LGI2: variants seen among roughly 807,000 people sequenced by gnomAD.
LGI2 encodes the protein leucine rich repeat LGI family member 2.
LGI2 carries 30 observed loss-of-function variants against 52.0 expected under a neutral mutation model. That is an observed-to-expected ratio of 0.58 (90% CI 0.43 to 0.78). LGI2 has a LOEUF of 0.78. LGI2 is among the 30% of genes least tolerant of loss of function. LGI2 has a pLI of 0.00. For missense variants in LGI2, 573 were observed against 692.5 expected (o/e 0.83, Z 1.94); for synonymous variants, 270 against 271.8 (o/e 0.99, Z 0.06).
At position 25,004,740 on chromosome 4, in the gene LGI2, G is replaced by A. The variant is rs998961551; in HGVS notation, c.821-472C>T. Among the ~76,000 whole-genome samples the A allele has an allele frequency of 6.6e-6, 1 of 152,138 alleles. No individual in the cohort carries two copies. The highest frequency in any genetic ancestry group is 2.4e-5 in the African/African-American group (1 of 41,442). On this transcript the variant is annotated intron_variant, in intron 7 of 7. Transcript: ENST00000382114. This position sits in a 1 kb window ranked among gnomAD's most constrained non-coding sequence, Gnocchi z 4.6. ...CACATACCAAATCTGCCAATGTCTT[G>A]ATCTTGGACTTCCCAGGCCCAGAAC... is the stretch of plus-strand genomic sequence containing the variant.
rs1725613505 is a variant in LGI2, at chr4:25,012,347, C to T, written c.808G>A (p.Asp270Asn). 6.2e-7 allele frequency: 1 copy of T among 1,614,120 alleles called. No homozygotes were observed. The highest frequency in any genetic ancestry group is 8.5e-7 in the Non-Finnish European group (1 of 1,180,040). ...AGCCACAACACACCTGTAATGTTGTCATAGCTCCGGAAATTCATTTCAATG... is the reference window on the plus strand; with the variant it reads ...AGCCACAACACACCTGTAATGTTGTTATAGCTCCGGAAATTCATTTCAATG... ...DHIEMNFRSY[D>N]NITGQSIVGC... is the part of the protein sequence containing the mutation. The change falls in exon 7 of 8, where the codon GAC becomes AAC. Residue 270 changes from aspartate (D) to asparagine (N), a missense_variant. By Grantham distance (23) the Asp-to-Asn change is conservative. Transcript: ENST00000382114.
downstream of LGI2, among the ~76,000 whole-genome samples, chr4:24,998,451 G>A (rs1171947200): frequency 3.3e-5 from 5 of 152,158 alleles, no homozygotes; most frequent in Non-Finnish European, 5.9e-5. Flanking sequence ...GGTCAGGTTA[G>A]CTCCCAGACA....
chr4:25,008,789 CCGGGT>C (rs1560288719), intron 7 of LGI2, among the ~76,000 whole-genome samples: 1 of 152,098 alleles, frequency 6.6e-6, no homozygotes, highest in African/African-American at 2.4e-5. Context: ...AAAAGAGGAG[CCGGGT>C]GGGCTTCATG....
Position 25,003,324 on chromosome 4 carries a change from A to T in LGI2, c.*127T>A. ...ATGTGAGTTCTAAAAGTTTGAAAAC[A>T]TCTAACTATTTCAGTGCTTTTTAAT... On this transcript the variant is annotated 3_prime_UTR_variant, in exon 8 of 8. Coordinates refer to ENST00000382114, the MANE Select transcript of LGI2 (RefSeq NM_018176.4). 1 of 685,822 alleles carries T rather than the reference A, an allele frequency of 1.5e-6. No individual in the cohort carries two copies. The highest frequency in any genetic ancestry group is 2.4e-6 in the Non-Finnish European group (1 of 418,536). 42.5% of individuals were successfully genotyped at this position (685,822 alleles called of 1,614,324 possible).
At chr4:25,022,300 G>A (rs903863701) in intron 4 of LGI2, among the ~76,000 whole-genome samples, 2 of 152,176 alleles carry the variant, frequency 1.3e-5, no homozygotes, top group African/African-American at 4.8e-5. Flanking sequence ...AAAGGCAGAT[G>A]AGAGAGAGCA....
the LGI2 span, among the ~76,000 whole-genome samples, chr4:24,993,680 C>T: frequency 9.7e-4 from 147 of 152,298 alleles, no homozygotes; most frequent in African/African-American, 3.4e-3. Context: ...TTTGAACTCA[C>T]TTATTTTTCC....
At position 25,004,904 on chromosome 4, in the gene LGI2, G is replaced by A. The variant is rs982570740; in HGVS notation, c.821-636C>T. 6.6e-6 allele frequency among the ~76,000 whole-genome samples: 1 copy of A among 152,108 alleles called. No homozygotes were observed. Among genetic ancestry groups the A allele is most frequent in the Non-Finnish European group, 1.5e-5 (1 of 68,022 alleles). On this transcript the variant is annotated intron_variant, in intron 7 of 7. Coordinates refer to ENST00000382114, the MANE Select transcript of LGI2 (RefSeq NM_018176.4). This position sits in a 1 kb window ranked among gnomAD's most constrained non-coding sequence, Gnocchi z 4.6. ...GGAAGCAACCCAAGTTGCTTCAATG[G>A]ACAAATAGATAGACAAAATGTGGCA...
chr4:25,000,044 T>G lies in LGI2; in HGVS notation c.*3407A>C. On this transcript the variant is annotated 3_prime_UTR_variant, in exon 8 of 8. Coordinates refer to ENST00000382114, the MANE Select transcript of LGI2 (RefSeq NM_018176.4). ...AAACTATCCAAAATTTCTGGACCAC[T>G]TTCAAGAGTGGGGCCTTGAATGTAA... is the stretch of plus-strand genomic sequence containing the variant. 2 of 298,538 alleles carry G rather than the reference T, an allele frequency of 6.7e-6. No individual in the cohort carries two copies. The highest frequency in any genetic ancestry group is 2.8e-5 in the South Asian group (1 of 35,490). 18.5% of individuals were successfully genotyped at this position (298,538 alleles called of 1,614,324 possible). A position where few individuals can be genotyped will look rare whatever the true frequency, so the allele number is the denominator to read the frequency against.
rs1046130233 is a variant in LGI2, at chr4:25,003,246, T to C, written c.*205A>G. Reference sequence around the variant, plus strand: ...ACAGGCTTTAAGATTTTTTTTTAAATGGTAGAATGGGCATGTCATGCAGTT... The same window carrying C: ...ACAGGCTTTAAGATTTTTTTTTAAACGGTAGAATGGGCATGTCATGCAGTT... On this transcript the variant is annotated 3_prime_UTR_variant, in exon 8 of 8. Coordinates refer to ENST00000382114, the MANE Select transcript of LGI2 (RefSeq NM_018176.4). The C allele has an allele frequency of 4.3e-6, 2 of 470,204 alleles. No homozygotes were observed. Among genetic ancestry groups the C allele is most frequent in the Non-Finnish European group, 7.4e-6 (2 of 270,170 alleles). 29.1% of individuals were successfully genotyped at this position (470,204 alleles called of 1,614,324 possible).
At chr4:25,013,649 G>A (rs1323599158) in intron 6 of LGI2, among the ~76,000 whole-genome samples, 1 of 152,110 alleles carries the variant, frequency 6.6e-6, no homozygotes, top group Non-Finnish European at 1.5e-5. Context: ...AAATGAAGGT[G>A]GTGTCTATTT....
At chr4:25,012,584 C>T (rs1393872405) in intron 6 of LGI2, 85 bp from the exon 7 acceptor site, 1 of 1,431,974 alleles carries the variant, frequency 7.0e-7, no homozygotes, top group African/African-American at 1.4e-5. Flanking sequence ...ATCATCACAT[C>T]AGCTCTGAAA....
intron 4 of LGI2, among the ~76,000 whole-genome samples, chr4:25,021,559 G>A (rs1303375910): frequency 6.6e-6 from 1 of 152,140 alleles, no homozygotes; most frequent in Non-Finnish European, 1.5e-5. Context: ...AGGGGAGGGA[G>A]GTGAATTGAT....
intron 7 of LGI2, among the ~76,000 whole-genome samples, chr4:25,009,267 C>T (rs946779397): frequency 1.3e-5 from 2 of 152,212 alleles, no homozygotes; most frequent in Non-Finnish European, 2.9e-5. Context: ...CAAACCATCC[C>T]CCTGGATGTT....
At chr4:25,022,030 T>A (rs1410142123) in intron 4 of LGI2, among the ~76,000 whole-genome samples, 1 of 150,200 alleles carries the variant, frequency 6.7e-6, no homozygotes, top group Non-Finnish European at 1.5e-5. Context: ...CATTAGCAAA[T>A]CAGGAAGTAT....
chr4:25,006,224 T>C (rs1239511399), intron 7 of LGI2, among the ~76,000 whole-genome samples: 3 of 151,934 alleles, frequency 2.0e-5, no homozygotes, highest in Non-Finnish European at 2.9e-5. Context: ...CTCTCCCCTC[T>C]GGCTCACCTC....
the LGI2 span, among the ~76,000 whole-genome samples, chr4:24,992,609 G>A: frequency 6.6e-6 from 1 of 152,102 alleles, no homozygotes. Flanking sequence ...CTTGAACTCA[G>A]GAGGCGGAGG....
In LGI2 at chr4:25,000,803, G is replaced by C. The variant is rs1725218772; in HGVS notation, c.*2648C>G. On this transcript the variant is annotated 3_prime_UTR_variant, in exon 8 of 8. Transcript: ENST00000382114. The stretch of plus-strand genomic sequence containing the variant: ...TATTTCTCTGCTTTGCATTTTTGCT[G>C]TTGCTTGGTTGGTTTTTTGTTTTAC... 6.6e-6 allele frequency: 1 copy of C among 152,238 alleles called. No individual in the cohort carries two copies. Among genetic ancestry groups the C allele is most frequent in the South Asian group, 2.1e-4 (1 of 4,834 alleles). The allele number at this position is 152,238 out of a possible 1,614,324, so 9.4% of individuals were successfully genotyped here. A position where few individuals can be genotyped will look rare whatever the true frequency, so the allele number is the denominator to read the frequency against.
intron 1 of LGI2, among the ~76,000 whole-genome samples, 179 bp downstream of exon 1, chr4:25,030,318 C>T (rs923608736): frequency 6.6e-6 from 1 of 152,180 alleles, no homozygotes; most frequent in Admixed American, 6.5e-5. Context: ...TTCTGGGGCT[C>T]AGGTCCTCAC....
downstream of LGI2, among the ~76,000 whole-genome samples, chr4:24,996,401 T>C (rs1725080631): frequency 6.6e-6 from 1 of 152,222 alleles, no homozygotes; most frequent in South Asian, 2.1e-4. Flanking sequence ...ATATGATTTA[T>C]AAGCCAAGAC....
Sources: allele counts gnomAD v4.1 joint callset (sites outside exome capture counted in the v4.1 genomes callset), GRCh38; gene constraint gnomAD v4.1.1; non-coding constraint Gnocchi (gnomAD v3.1); transcripts MANE v1.5; gene names NCBI Gene and HGNC (gene_info 2026-07-23, HGNC 2026-07-21).